PRMT3: variants seen among roughly 807,000 people sequenced by gnomAD.
PRMT3 encodes protein arginine N-methyltransferase 3.
Under a neutral mutation model 71.9 loss-of-function variants are expected in PRMT3, and 62 were observed. That is an observed-to-expected ratio of 0.86 (90% CI 0.70 to 1.07). PRMT3 has a LOEUF of 1.07. Ranked by LOEUF, PRMT3 falls within the 50% of genes least tolerant of loss-of-function variation. The pLI, the probability that PRMT3 is intolerant of heterozygous loss-of-function variation, is 0.00. For missense variants in PRMT3, 663 were observed against 643.0 expected, an observed-to-expected ratio of 1.03 and a Z score of -0.34; for synonymous variants, 213 against 220.4, an observed-to-expected ratio of 0.97 and a Z score of 0.30.
At chr11:20,498,300 A>G (rs183154583) in intron 15 of PRMT3, among the ~76,000 whole-genome samples, 7 of 152,330 alleles carry the variant, frequency 4.6e-5, no homozygotes, top group African/African-American at 1.7e-4. Context: ...AAGAAACTCA[A>G]TTAACCCGAA....
At chr11:20,442,609 T>A (rs947108606) in intron 10 of PRMT3, among the ~76,000 whole-genome samples, 3 of 152,222 alleles carry the variant, frequency 2.0e-5, no homozygotes, top group Non-Finnish European at 4.4e-5. Context: ...CATTATTCTA[T>A]AGAGATATTT....
chr11:20,445,367 C>A (rs1015793965), intron 10 of PRMT3, among the ~76,000 whole-genome samples: 2 of 152,006 alleles, frequency 1.3e-5, no homozygotes, highest in African/African-American at 4.8e-5. Context: ...CCTTCCTATA[C>A]CCCTACTATT....
intron 5 of PRMT3, among the ~76,000 whole-genome samples, chr11:20,395,289 T>C (rs1211780872): frequency 6.6e-6 from 1 of 152,030 alleles, no homozygotes; most frequent in Non-Finnish European, 1.5e-5. Flanking sequence ...AAACTTAGAC[T>C]AACAGCATGC....
chr11:20,493,839 A>G (rs1248926923), intron 13 of PRMT3, 80 bp from the exon 14 acceptor site: 16 of 934,992 alleles, frequency 1.7e-5, no homozygotes, highest in Non-Finnish European at 2.0e-5. Context: ...ATCATTTGCC[A>G]TGTCTTAAGA....
intron 13 of PRMT3, among the ~76,000 whole-genome samples, chr11:20,489,734 T>C (rs534062563): frequency 6.6e-6 from 1 of 151,966 alleles, no homozygotes; most frequent in African/African-American, 2.4e-5. Context: ...TCATAATTCA[T>C]TTGGTTTTAT....
At chr11:20,395,708 A>G (rs1848809467) in intron 5 of PRMT3, 95 bp from the exon 6 acceptor site, 1 of 1,206,872 alleles carries the variant, frequency 8.3e-7, no homozygotes. Context: ...AATTGGCCAC[A>G]TAGTAGAAAC....
At chr11:20,418,699 A>G (rs956405364) in intron 9 of PRMT3, among the ~76,000 whole-genome samples, 3 of 152,196 alleles carry the variant, frequency 2.0e-5, no homozygotes, top group African/African-American at 7.2e-5. Flanking sequence ...AGCCTTAATC[A>G]GTATTTTGGT....
At chr11:20,492,402 T>G (rs1441972400) in intron 13 of PRMT3, among the ~76,000 whole-genome samples, 1 of 152,192 alleles carries the variant, frequency 6.6e-6, no homozygotes, top group East Asian at 1.9e-4. Flanking sequence ...GAGTACTACA[T>G]TGTTTTATAA....
In PRMT3 at chr11:20,434,976, G is replaced by C. The variant is rs542922073; in HGVS notation, c.993+8111G>C. On this transcript the variant is annotated intron_variant, in intron 10 of 15. Coordinates refer to ENST00000331079, the MANE Select transcript of PRMT3 (RefSeq NM_005788.4). ...GAATCTATACATTGCTTTGGGCAGT[G>C]TGACCATTTCAATGATATTGATCCT... is the stretch of plus-strand genomic sequence containing the variant. 2.6e-5 allele frequency among the ~76,000 whole-genome samples: 4 copies of C among 152,270 alleles called. No homozygotes were observed. The South Asian group carries it at 8.3e-4, about 32-fold the overall frequency.
chr11:20,426,569 G>A (rs535080613), intron 9 of PRMT3, among the ~76,000 whole-genome samples, 197 bp from the exon 10 acceptor site: 2 of 152,174 alleles, frequency 1.3e-5, no homozygotes, highest in East Asian at 3.9e-4. Flanking sequence ...TCACTGTATT[G>A]CCATATTAAC....
intron 13 of PRMT3, among the ~76,000 whole-genome samples, chr11:20,464,770 G>A (rs572029005): frequency 2.6e-5 from 4 of 152,228 alleles, no homozygotes; most frequent in Admixed American, 2.6e-4. Flanking sequence ...TTTACATAAT[G>A]ATTTTTCTTT....
At position 20,508,474 on chromosome 11, in the gene PRMT3, G is replaced by C. The variant is rs995354450; in HGVS notation, c.*61G>C. On this transcript the variant is annotated 3_prime_UTR_variant, in exon 16 of 16. Coordinates refer to ENST00000331079, the MANE Select transcript of PRMT3 (RefSeq NM_005788.4). The stretch of plus-strand genomic sequence containing the variant: ...ATGTGGGGGTAGAGTGGGTCAGCAG[G>C]AGGGAGCTGGTTTTATGTGAGCAGA... 8.3e-7 allele frequency: 1 copy of C among 1,200,032 alleles called. No individual in the cohort carries two copies. The highest frequency in any genetic ancestry group is 1.2e-6 in the Non-Finnish European group (1 of 803,578). 74.3% of individuals were successfully genotyped at this position (1,200,032 alleles called of 1,614,324 possible). A position where few individuals can be genotyped will look rare whatever the true frequency, so the allele number is the denominator to read the frequency against.
intron 13 of PRMT3, among the ~76,000 whole-genome samples, chr11:20,482,565 A>G (rs2133436649): frequency 6.6e-6 from 1 of 152,208 alleles, no homozygotes; most frequent in South Asian, 2.1e-4. Context: ...GAGGCTGTCA[A>G]TTAACATTAT....
At chr11:20,501,892 G>C (rs1421103873) in intron 15 of PRMT3, among the ~76,000 whole-genome samples, 1 of 152,108 alleles carries the variant, frequency 6.6e-6, no homozygotes, top group East Asian at 1.9e-4. Context: ...TATCCATACA[G>C]TACATAGTAA....
intron 5 of PRMT3, 61 bp from the exon 6 acceptor site, chr11:20,395,742 T>A: frequency 6.7e-7 from 1 of 1,501,044 alleles, no homozygotes; most frequent in African/African-American, 1.4e-5. Flanking sequence ...ATTCCTAACA[T>A]ATTTATACTT....
At chr11:20,390,974 C>T (rs1468825881) in intron 3 of PRMT3, among the ~76,000 whole-genome samples, 2 of 151,776 alleles carry the variant, frequency 1.3e-5, no homozygotes, top group Admixed American at 6.6e-5. Context: ...TACTTGAACC[C>T]GGGAGGCGGA....
chr11:20,459,314 C>T (rs557072131), intron 11 of PRMT3, among the ~76,000 whole-genome samples: 1 of 152,238 alleles, frequency 6.6e-6, no homozygotes, highest in South Asian at 2.1e-4. Context: ...CTGCACAACT[C>T]CAGAGGATAT....
chr11:20,403,856 T>TG, intron 8 of PRMT3, among the ~76,000 whole-genome samples: 1 of 152,322 alleles, frequency 6.6e-6, no homozygotes, highest in South Asian at 2.1e-4. Context: ...GGTTACTTCA[T>TG]GGGGTTTACA....
chr11:20,428,567 T>C (rs1194780994), intron 10 of PRMT3, among the ~76,000 whole-genome samples: 1 of 152,204 alleles, frequency 6.6e-6, no homozygotes, highest in Non-Finnish European at 1.5e-5. Context: ...AGCCAGCTGG[T>C]TTAATAACTG....
Sources: allele counts gnomAD v4.1 joint callset (sites outside exome capture counted in the v4.1 genomes callset), GRCh38; gene constraint gnomAD v4.1.1; transcripts MANE v1.5; gene names NCBI Gene and HGNC (gene_info 2026-07-23, HGNC 2026-07-21).